The following HS6ST3 variants were observed in gnomAD, a reference collection of about 807,000 sequenced individuals.
The protein encoded by HS6ST3 is heparan sulfate 6-O-sulfotransferase 3, also known as heparan-sulfate 6-O-sulfotransferase 3.
HS6ST3 carries 12 observed loss-of-function variants against 36.7 expected under a neutral mutation model. The observed-to-expected ratio is 0.33, with a 90% CI of 0.21 to 0.53. The LOEUF is 0.53. Among genes scored for constraint, HS6ST3 ranks in the 20% least tolerant of loss-of-function variants. HS6ST3 has a pLI of 0.95. For missense variants in HS6ST3, 584 were observed against 640.9 expected (o/e 0.91, Z 0.96); for synonymous variants, 240 against 257.5 (o/e 0.93, Z 0.65).
At chr13:96,760,476 G>T (rs1006982186) in intron 1 of HS6ST3, among the ~76,000 whole-genome samples, 2 of 141,720 alleles carry the variant, frequency 1.4e-5, no homozygotes, top group Non-Finnish European at 3.2e-5. Flanking sequence ...TAACATTTAC[G>T]TTGTTCTGTA....
At chr13:96,563,646 A>G (rs146218690) in intron 1 of HS6ST3, among the ~76,000 whole-genome samples, 31 of 152,316 alleles carry the variant, frequency 2.0e-4, no homozygotes, top group African/African-American at 7.5e-4. Context: ...CAAAAGCTGT[A>G]ATGGGTGATA....
chr13:96,146,170 G>GT (rs1260816815), intron 1 of HS6ST3, among the ~76,000 whole-genome samples: 3 of 152,104 alleles, frequency 2.0e-5, no homozygotes, highest in Non-Finnish European at 2.9e-5. Context: ...CTTTAAAGTA[G>GT]TTTTTTTCCA....
intron 1 of HS6ST3, among the ~76,000 whole-genome samples, chr13:96,652,092 G>A (rs775810243): frequency 6.6e-5 from 10 of 151,832 alleles, no homozygotes; most frequent in Non-Finnish European, 1.2e-4. Flanking sequence ...ATATAGTTGT[G>A]TAATACAGTT....
At chr13:96,143,884 A>T (rs2054043772) in intron 1 of HS6ST3, among the ~76,000 whole-genome samples, 1 of 152,176 alleles carries the variant, frequency 6.6e-6, no homozygotes, top group African/African-American at 2.4e-5. Flanking sequence ...TAGATGAGTC[A>T]ATGTTTTTCT....
intron 1 of HS6ST3, among the ~76,000 whole-genome samples, chr13:96,458,638 C>CAAA (rs762733654): frequency 1.7e-5 from 1 of 59,150 alleles, no homozygotes; most frequent in Admixed American, 1.8e-4. Flanking sequence ...GTTCTCAAGA[C>CAAA]AAAAAAAAAA....
At chr13:96,504,047 T>A (rs1431134102) in intron 1 of HS6ST3, among the ~76,000 whole-genome samples, 4 of 152,206 alleles carry the variant, frequency 2.6e-5, no homozygotes, top group Non-Finnish European at 5.9e-5. Context: ...TCCACCCTCA[T>A]GACTGAATTT....
At chr13:96,133,419 C>T (rs543340146) in intron 1 of HS6ST3, among the ~76,000 whole-genome samples, 4 of 151,652 alleles carry the variant, frequency 2.6e-5, no homozygotes, top group Non-Finnish European at 5.9e-5. Flanking sequence ...AGCCACTGCA[C>T]CTGACCTATT....
chr13:96,790,420 A>G (rs535791496), intron 1 of HS6ST3, among the ~76,000 whole-genome samples: 20 of 152,120 alleles, frequency 1.3e-4, no homozygotes, highest in African/African-American at 4.3e-4. Context: ...AGGAAGTCAT[A>G]AAAACTAACT....
intron 1 of HS6ST3, among the ~76,000 whole-genome samples, chr13:96,712,785 C>G (rs542945433): frequency 6.6e-6 from 1 of 152,176 alleles, no homozygotes; most frequent in African/African-American, 2.4e-5. Context: ...CCTACACACC[C>G]AGTTCATTTA....
intron 1 of HS6ST3, among the ~76,000 whole-genome samples, chr13:96,348,841 G>T (rs1205443600): frequency 6.6e-6 from 1 of 152,174 alleles, no homozygotes; most frequent in Non-Finnish European, 1.5e-5. Context: ...GCTCAAAGAG[G>T]AGCAGGTGAA....
chr13:96,543,359 C>T (rs997835508), intron 1 of HS6ST3, among the ~76,000 whole-genome samples: 2 of 152,180 alleles, frequency 1.3e-5, no homozygotes, highest in Admixed American at 1.3e-4. Context: ...TCCAAATAGA[C>T]ACTCAGCCCC....
intron 1 of HS6ST3, among the ~76,000 whole-genome samples, chr13:96,203,003 A>C (rs1041014281): frequency 6.6e-6 from 1 of 151,050 alleles, no homozygotes; most frequent in Non-Finnish European, 1.5e-5. Flanking sequence ...TCATTCACTC[A>C]CTCCCTCACT....
At chr13:96,507,236 A>G (rs1174677873) in intron 1 of HS6ST3, among the ~76,000 whole-genome samples, 1 of 152,124 alleles carries the variant, frequency 6.6e-6, no homozygotes, top group East Asian at 1.9e-4. Flanking sequence ...TCCACTATAG[A>G]CACTGTTTTG....
At chr13:96,357,071 C>T (rs1210345564) in intron 1 of HS6ST3, among the ~76,000 whole-genome samples, 2 of 152,214 alleles carry the variant, frequency 1.3e-5, no homozygotes, top group African/African-American at 2.4e-5. Flanking sequence ...TCTGCAATTT[C>T]CTCACTTCTC....
chr13:96,497,574 C>T (rs930032533), intron 1 of HS6ST3, among the ~76,000 whole-genome samples: 2 of 152,184 alleles, frequency 1.3e-5, no homozygotes, highest in East Asian at 3.9e-4. Context: ...CCCCCAGCCC[C>T]TTTGCTCAGA....
At chr13:96,479,467 G>A (rs2055880154) in intron 1 of HS6ST3, among the ~76,000 whole-genome samples, 1 of 152,132 alleles carries the variant, frequency 6.6e-6, no homozygotes, top group South Asian at 2.1e-4. Context: ...GAAGAAAAAG[G>A]CTTAGGTTCG....
intron 1 of HS6ST3, among the ~76,000 whole-genome samples, chr13:96,195,527 C>T (rs1441696563): frequency 4.6e-5 from 7 of 152,166 alleles, no homozygotes; most frequent in Admixed American, 1.3e-4. Flanking sequence ...ATTACAACCT[C>T]GTCGTGAATA....
At chr13:96,765,588 TTCTCTCTCTCTCTCTCTCTC>T (rs58979172) in intron 1 of HS6ST3, among the ~76,000 whole-genome samples, 6 of 142,596 alleles carry the variant, frequency 4.2e-5, no homozygotes, top group African/African-American at 1.0e-4. Flanking sequence ...CTCTCTCTCT[TTCTCTCTCTCTCTCTCTCTC>T]TCTCTCTCTC....
rs541521746 is a variant in HS6ST3 at position 96,655,590 on chromosome 13, A to G, written c.708-176900A>G. Among the ~76,000 whole-genome samples the G allele has an allele frequency of 7.2e-5, 11 of 152,192 alleles. No individual in the cohort carries two copies. The South Asian group carries it at 1.7e-3, about 23-fold the overall frequency. On this transcript the variant is annotated intron_variant, in intron 1 of 1. Transcript: ENST00000376705. ...AAGATTTTTTTGAAGCCTCTGATAT[A>G]TCTATAATGAGCCATCTCTAGGAAA...
Sources: gnomAD v4.1 joint callset for allele counts (sites outside exome capture counted in the v4.1 genomes callset) on GRCh38, gnomAD v4.1.1 for gene constraint, MANE v1.5 for transcripts, NCBI Gene and HGNC (gene_info 2026-07-23, HGNC 2026-07-21) for gene names.